LAMA2: variants seen among roughly 807,000 people sequenced by gnomAD.
LAMA2 encodes laminin subunit alpha 2.
A neutral mutation model predicts 364.8 loss-of-function variants in LAMA2; 269 were observed. The ratio of observed to expected loss-of-function variants is 0.74; its 90% CI spans 0.67 to 0.82. The LOEUF is 0.82. LAMA2 is among the 40% of genes least tolerant of loss of function. The pLI, the probability that LAMA2 is intolerant of heterozygous loss-of-function variation, is 0.00. For synonymous variants in LAMA2, 1,379 were observed against 1,370.6 expected, an observed-to-expected ratio of 1.01 and a Z score of -0.14; for missense variants, 3,807 against 3,873.2, an observed-to-expected ratio of 0.98 and a Z score of 0.45.
chr6:129,403,753 A>G (rs1780098891), intron 39 of LAMA2, 68 bp from the exon 40 acceptor site: 2 of 1,454,558 alleles, frequency 1.4e-6, no homozygotes, highest in Admixed American at 1.7e-5. Context: ...GATTTCATAT[A>G]ATTAGGACGT....
intron 9 of LAMA2, among the ~76,000 whole-genome samples, chr6:129,173,729 A>C (rs1408166201): frequency 6.6e-6 from 1 of 152,184 alleles, no homozygotes; most frequent in Non-Finnish European, 1.5e-5. Flanking sequence ...TAACTTATTT[A>C]GGAAAGAGTG....
chr6:129,163,171 C>T (rs148528579), intron 8 of LAMA2, among the ~76,000 whole-genome samples: 302 of 151,738 alleles, frequency 2.0e-3, no homozygotes, highest in African/African-American at 6.5e-3. Flanking sequence ...GTTTTTCCTT[C>T]TCTTTCTAGG....
Position 129,252,226 on chromosome 6 carries a change from C to A in LAMA2, c.2027C>A (p.Thr676Lys), listed in dbSNP as rs748086405. 1.9e-6 allele frequency: 3 copies of A among 1,613,934 alleles called. No homozygotes were observed. Among genetic ancestry groups the A allele is most frequent in the Non-Finnish European group, 2.5e-6 (3 of 1,179,954 alleles). The change falls in exon 14 of 65, where the codon ACA becomes AAA. Residue 676 changes from threonine (T) to lysine (K), a missense_variant. By Grantham distance (78) the Thr-to-Lys change is moderately conservative. Transcript: ENST00000421865. ...HFPVRRKEFM[T>K]VLANLKRVLL... is the part of the protein sequence containing the mutation. ...CCAGTCCGTAGAAAGGAATTTATGA[C>A]AGTGCTTGCGAATTTGAAGAGAGTC... is the stretch of plus-strand genomic sequence containing the variant.
At chr6:129,168,167 A>C in intron 9 of LAMA2, among the ~76,000 whole-genome samples, 5 of 141,660 alleles carry the variant, frequency 3.5e-5, no homozygotes, top group South Asian at 2.4e-4. Context: ...TCTTTAGTTT[A>C]ATTAGATCCC....
At chr6:129,160,336 G>A (rs1023539350) in intron 8 of LAMA2, among the ~76,000 whole-genome samples, 10 of 152,024 alleles carry the variant, frequency 6.6e-5, no homozygotes, top group African/African-American at 2.4e-4. Flanking sequence ...TATTTTTCAA[G>A]TAATTTGTTC....
intron 22 of LAMA2, among the ~76,000 whole-genome samples, chr6:129,303,348 A>G (rs986512770): frequency 6.6e-6 from 1 of 152,128 alleles, no homozygotes; most frequent in African/African-American, 2.4e-5. Context: ...CCATTTAGTG[A>G]GATTTTCTTG....
At chr6:129,233,421 A>G (rs1032175431) in intron 12 of LAMA2, among the ~76,000 whole-genome samples, 2 of 152,204 alleles carry the variant, frequency 1.3e-5, no homozygotes, top group African/African-American at 4.8e-5. Flanking sequence ...TACTGATAAC[A>G]TAAGCAATTT....
intron 3 of LAMA2, among the ~76,000 whole-genome samples, chr6:129,088,481 G>GC (rs1245036467): frequency 1.4e-5 from 2 of 145,490 alleles, no homozygotes; most frequent in Non-Finnish European, 1.5e-5. Context: ...CGGTAGAGGC[G>GC]CCCCCCACCT....
chr6:129,370,162 G>A (rs1035325860), intron 34 of LAMA2, among the ~76,000 whole-genome samples, 172 bp downstream of exon 34: 2 of 152,192 alleles, frequency 1.3e-5, no homozygotes, highest in African/African-American at 4.8e-5. Flanking sequence ...ATAGAAATCA[G>A]TAGCACGCAG....
At chr6:129,501,894 T>G (rs1241942565) in intron 58 of LAMA2, among the ~76,000 whole-genome samples, 1 of 152,240 alleles carries the variant, frequency 6.6e-6, no homozygotes, top group Admixed American at 6.5e-5. Context: ...GACTGCTGTA[T>G]GCTTTGCAAG....
At chr6:129,092,188 AG>A (rs1562231761) in intron 3 of LAMA2, among the ~76,000 whole-genome samples, 6 of 152,152 alleles carry the variant, frequency 3.9e-5, no homozygotes, top group Admixed American at 3.9e-4. Context: ...CAGACCTTCC[AG>A]AAAAATGTTA....
intron 1 of LAMA2, among the ~76,000 whole-genome samples, chr6:129,013,237 C>A (rs1385738832): frequency 6.6e-6 from 1 of 152,062 alleles, no homozygotes; most frequent in Non-Finnish European, 1.5e-5. Context: ...AGATCGAGAC[C>A]ATCCTGGCTA....
intron 15 of LAMA2, 50 bp from the exon 16 acceptor site, chr6:129,267,056 C>A (rs1302484281): frequency 1.7e-6 from 2 of 1,156,108 alleles, no homozygotes; most frequent in Non-Finnish European, 2.6e-6. Flanking sequence ...AACAAAAACA[C>A]CTTTTTGTTT....
At chr6:129,205,478 G>GTATATATATATATATATATA (rs749614184) in intron 12 of LAMA2, among the ~76,000 whole-genome samples, 1,231 of 115,418 alleles carry the variant, frequency 0.011, 18 homozygotes, top group Non-Finnish European at 0.013. Context: ...TATTCTGTAA[G>GTATATATATATATATATATA]TATATATATA....
At position 128,945,107 on chromosome 6, in the gene LAMA2, G is replaced by A. The variant is rs192182330; in HGVS notation, c.112+61750G>A. 3.3e-4 allele frequency among the ~76,000 whole-genome samples: 50 copies of A among 152,276 alleles called. No homozygotes were observed. The East Asian group carries it at 6.4e-3, about 19-fold the overall frequency. ...GCAAATATCATACAGAAGAGCAGGC[G>A]TAGACAAGATATACCAGTTGTTTTC... is the stretch of plus-strand genomic sequence containing the variant. On this transcript the variant is annotated intron_variant, in intron 1 of 64. Transcript: ENST00000421865.
intron 1 of LAMA2, among the ~76,000 whole-genome samples, chr6:128,960,462 A>ACC (rs201946370): frequency 2.6e-4 from 26 of 99,578 alleles, no homozygotes; most frequent in Middle Eastern, 5.8e-3. Context: ...CCTTGGCCCC[A>ACC]CCCCGCCCCC....
chr6:129,189,392 T>C (rs1781405874), intron 10 of LAMA2, among the ~76,000 whole-genome samples: 1 of 152,058 alleles, frequency 6.6e-6, no homozygotes, highest in African/African-American at 2.4e-5. Flanking sequence ...CTCTTTAAAT[T>C]GAGAGATTAT....
intron 12 of LAMA2, among the ~76,000 whole-genome samples, chr6:129,236,717 G>A (rs1001870303): frequency 6.6e-6 from 1 of 151,840 alleles, no homozygotes; most frequent in African/African-American, 2.4e-5. Flanking sequence ...ATATACTCAT[G>A]TGTATATATG....
At chr6:129,062,053 C>T (rs1177702226) in intron 3 of LAMA2, among the ~76,000 whole-genome samples, 1 of 152,142 alleles carries the variant, frequency 6.6e-6, no homozygotes, top group Non-Finnish European at 1.5e-5. Flanking sequence ...AATCAAGTTT[C>T]GTGATGGAAC....
Sources: allele counts gnomAD v4.1 joint callset (sites outside exome capture counted in the v4.1 genomes callset), GRCh38; gene constraint gnomAD v4.1.1; transcripts MANE v1.5; gene names NCBI Gene and HGNC (gene_info 2026-07-23, HGNC 2026-07-21).